The following CFAP90 variants were observed in gnomAD, a reference collection of about 807,000 sequenced individuals.
The protein encoded by CFAP90 is cilia- and flagella-associated protein 90.
the CFAP90 span, among the ~76,000 whole-genome samples, chr5:7,847,532 C>G: frequency 6.6e-6 from 1 of 152,178 alleles, no homozygotes; most frequent in Non-Finnish European, 1.5e-5. Context: ...CTACACAGCT[C>G]TCTGCGGTAA....
chr5:7,835,731 A>G, the CFAP90 span, among the ~76,000 whole-genome samples: 3 of 152,112 alleles, frequency 2.0e-5, no homozygotes, highest in Admixed American at 2.0e-4. Context: ...AAGCAGGGAC[A>G]TTTTCATGGC....
chr5:7,841,155 G>A, the CFAP90 span, among the ~76,000 whole-genome samples: 4 of 151,800 alleles, frequency 2.6e-5, no homozygotes, highest in East Asian at 3.9e-4. Flanking sequence ...AAAAAACCCC[G>A]TTAAAAATTG....
the CFAP90 span, among the ~76,000 whole-genome samples, chr5:7,845,794 C>A: frequency 2.0e-5 from 3 of 152,104 alleles, no homozygotes; most frequent in Admixed American, 2.0e-4. Context: ...TTTTTGCTGG[C>A]AGCTTTAGAT....
At chr5:7,834,236 C>A in the CFAP90 span, among the ~76,000 whole-genome samples, 1 of 152,142 alleles carries the variant, frequency 6.6e-6, no homozygotes, top group Non-Finnish European at 1.5e-5. Flanking sequence ...TACTGATGAT[C>A]CTGACCCTGT....
chr5:7,831,578 A>T, the CFAP90 span: 21 of 334,668 alleles, frequency 6.3e-5, no homozygotes, highest in African/African-American at 3.5e-4. Context: ...CGGTCTCCAG[A>T]TTCATTTGAT....
the CFAP90 span, among the ~76,000 whole-genome samples, chr5:7,836,888 G>A: frequency 0.018 from 2,700 of 152,136 alleles, 87 homozygotes; most frequent in African/African-American, 0.061. Flanking sequence ...CAGGGGTGGG[G>A]GTAGGGGGTG....
the CFAP90 span, chr5:7,835,324 C>T: frequency 1.1e-6 from 1 of 899,602 alleles, no homozygotes; most frequent in Non-Finnish European, 1.8e-6. Context: ...ACTAGATATG[C>T]CTCTATAAAG....
chr5:7,832,463 C>T, the CFAP90 span, among the ~76,000 whole-genome samples: 1 of 152,078 alleles, frequency 6.6e-6, no homozygotes, highest in East Asian at 1.9e-4. Flanking sequence ...CCTCTTCCCT[C>T]ATACCACTCA....
the CFAP90 span, among the ~76,000 whole-genome samples, chr5:7,842,313 G>GA: frequency 8.1e-4 from 115 of 142,250 alleles, no homozygotes; most frequent in South Asian, 7.5e-3. Flanking sequence ...CTACAAGAAA[G>GA]AAAAAAAAAA....
chr5:7,832,070 T>C, the CFAP90 span: 1 of 1,581,416 alleles, frequency 6.3e-7, no homozygotes, highest in Non-Finnish European at 8.6e-7. Flanking sequence ...CACCACTGCA[T>C]TCGCCAGCAC....
chr5:7,831,780 C>T, the CFAP90 span: 14 of 1,471,656 alleles, frequency 9.5e-6, no homozygotes, highest in African/African-American at 1.4e-5. Context: ...GCTCCAGATG[C>T]CACCTTCTCG....
At chr5:7,844,266 A>G in the CFAP90 span, among the ~76,000 whole-genome samples, 1 of 152,228 alleles carries the variant, frequency 6.6e-6, no homozygotes, top group Admixed American at 6.5e-5. Flanking sequence ...GCCCACTGCC[A>G]TTGACGATAC....
At chr5:7,834,221 A>C in the CFAP90 span, among the ~76,000 whole-genome samples, 15 of 152,118 alleles carry the variant, frequency 9.9e-5, no homozygotes, top group African/African-American at 2.2e-4. Flanking sequence ...AGTGGAAGGC[A>C]GTGATACTGA....
At chr5:7,843,918 C>T in the CFAP90 span, among the ~76,000 whole-genome samples, 4 of 152,196 alleles carry the variant, frequency 2.6e-5, no homozygotes, top group Non-Finnish European at 5.9e-5. Context: ...ACATTAGATA[C>T]GTATCTCGAC....
chr5:7,839,366 T>G, the CFAP90 span, among the ~76,000 whole-genome samples: 1 of 152,188 alleles, frequency 6.6e-6, no homozygotes, highest in Non-Finnish European at 1.5e-5. Context: ...AGTGGCTGCC[T>G]GGTCTTGTAT....
At chr5:7,849,891 T>A in the CFAP90 span, among the ~76,000 whole-genome samples, 4 of 152,112 alleles carry the variant, frequency 2.6e-5, no homozygotes, top group African/African-American at 7.2e-5. Context: ...CTTGCTAGCC[T>A]GGGCCTGCCG....
At chr5:7,851,092 G>T in the CFAP90 span, 1 of 1,230,650 alleles carries the variant, frequency 8.1e-7, no homozygotes, top group Non-Finnish European at 1.0e-6. Flanking sequence ...GTCGGAGTCT[G>T]CAGGCCTCAG....
chr5:7,848,204 T>A, the CFAP90 span, among the ~76,000 whole-genome samples: 1 of 152,148 alleles, frequency 6.6e-6, no homozygotes. Flanking sequence ...AAGTCCCTGG[T>A]GGCAATGAGA....
the CFAP90 span, among the ~76,000 whole-genome samples, chr5:7,833,721 A>G: frequency 6.6e-6 from 1 of 152,204 alleles, no homozygotes; most frequent in Non-Finnish European, 1.5e-5. Flanking sequence ...ATTTTACTCA[A>G]TGATGGATCT....
Sources: allele counts gnomAD v4.1 joint callset (sites outside exome capture counted in the v4.1 genomes callset), GRCh38; gene constraint gnomAD v4.1.1; transcripts MANE v1.5; gene names NCBI Gene and HGNC (gene_info 2026-07-23, HGNC 2026-07-21).